Variants in NHEJ1 observed in about 807,000 individuals in gnomAD.
The protein encoded by NHEJ1 is non-homologous end-joining factor 1.
In NHEJ1, 22 loss-of-function variants were observed where a neutral mutation model predicts 39.4. That is an observed-to-expected ratio of 0.56 (90% confidence interval 0.40 to 0.80). The LOEUF (loss-of-function observed/expected upper bound fraction) is 0.80, where lower values mean the gene tolerates loss of function less well. Ranked by LOEUF, NHEJ1 falls within the 30% of genes least tolerant of loss-of-function variation. The probability of loss-of-function intolerance (pLI) is 0.00; values close to 1 mark genes in which losing one functional copy is unlikely to be tolerated. For missense variants in NHEJ1, 329 were observed against 357.1 expected (o/e 0.92, Z 0.63); for synonymous variants, 154 against 135.6 (o/e 1.14, Z -0.94).
intron 7 of NHEJ1, among the ~76,000 whole-genome samples, 196 bp downstream of exon 7, chr2:219,077,050 C>G (rs1477406492): frequency 6.6e-6 from 1 of 152,198 alleles, no homozygotes; most frequent in Non-Finnish European, 1.5e-5. Context: ...ACAAGACCTA[C>G]AGAGAAGGGA....
At chr2:219,093,518 G>A (rs1949180103) in intron 5 of NHEJ1, among the ~76,000 whole-genome samples, 1 of 152,192 alleles carries the variant, frequency 6.6e-6, no homozygotes, top group Non-Finnish European at 1.5e-5. Flanking sequence ...CCTGAACACA[G>A]AATGGTCAGT....
rs751556179 is a variant in NHEJ1, at chr2:219,157,483, T to C, written c.379A>G (p.Ser127Gly). ...CGAATTACACTTACCAGGGAAGGAC[T>C]AGCTAGCATGCAGTGGAAATTCCAA... ...FYWNFHCMLA[S>G]PSLVSQHLIR... is the part of the protein sequence containing the mutation. Residue 127 changes from serine (S) to glycine (G), a missense_variant, in exon 3 of 8, where the codon AGT becomes GGT. Coordinates refer to ENST00000356853, the MANE Select transcript of NHEJ1 (RefSeq NM_024782.3). The C allele has an allele frequency of 1.2e-6, 2 of 1,613,576 alleles. No individual in the cohort carries two copies. The highest frequency in any genetic ancestry group is 1.7e-5 in the Admixed American group (1 of 60,008).
At position 219,150,541 on chromosome 2, in the gene NHEJ1, C is replaced by T. The variant is rs191733775; in HGVS notation, c.391-2746G>A. ...TTTTGTTAAATTTGGTCCTGCTGGG[C>T]GGGCATGGTGGCTCACGCCTATAAT... is the stretch of plus-strand genomic sequence containing the variant. On this transcript the variant is annotated intron_variant, in intron 3 of 7. Coordinates refer to ENST00000356853, the MANE Select transcript of NHEJ1 (RefSeq NM_024782.3). 7.2e-5 allele frequency among the ~76,000 whole-genome samples: 11 copies of T among 152,334 alleles called. No individual in the cohort carries two copies. The South Asian group carries it at 1.2e-3, about 17-fold the overall frequency.
At chr2:219,076,838 C>T (rs866120930) in intron 7 of NHEJ1, among the ~76,000 whole-genome samples, 10 of 152,178 alleles carry the variant, frequency 6.6e-5, no homozygotes, top group Admixed American at 2.6e-4. Flanking sequence ...CCATGCCCAG[C>T]TACAAAGAGG....
At chr2:219,097,352 C>A (rs1011155411) in intron 5 of NHEJ1, among the ~76,000 whole-genome samples, 6 of 152,256 alleles carry the variant, frequency 3.9e-5, no homozygotes, top group African/African-American at 1.4e-4. Flanking sequence ...GGTATTAGAG[C>A]AGAGGCAGAT....
intron 5 of NHEJ1, among the ~76,000 whole-genome samples, chr2:219,080,763 T>C (rs1949059608): frequency 6.6e-6 from 1 of 151,510 alleles, no homozygotes; most frequent in African/African-American, 2.4e-5. Context: ...TAAACCATTT[T>C]TGTGTTTTCT....
rs1046437800 is a variant in NHEJ1 at position 219,071,158 on chromosome 2, G to A, written c.*5223C>T. On this transcript the variant is annotated 3_prime_UTR_variant, in exon 8 of 8. Transcript: ENST00000356853. Reference sequence around the variant, plus strand: ...CACACCCTGTGGGGCTTCCCTACCAGCTCCAACCCCTTTCACCATCCCCTG... The same window carrying A: ...CACACCCTGTGGGGCTTCCCTACCAACTCCAACCCCTTTCACCATCCCCTG... Among the ~76,000 whole-genome samples, 3 of 152,116 alleles carry A rather than the reference G, an allele frequency of 2.0e-5. No homozygotes were observed. Among genetic ancestry groups the A allele is most frequent in the African/African-American group, 4.8e-5 (2 of 41,418 alleles).
At chr2:219,132,291 G>A (rs932635087) in intron 5 of NHEJ1, among the ~76,000 whole-genome samples, 5 of 152,152 alleles carry the variant, frequency 3.3e-5, no homozygotes, top group African/African-American at 1.2e-4. Context: ...CAGTATGAGA[G>A]GTTACCCCAA....
At chr2:219,086,296 A>G (rs1366538060) in intron 5 of NHEJ1, among the ~76,000 whole-genome samples, 1 of 152,222 alleles carries the variant, frequency 6.6e-6, no homozygotes, top group Non-Finnish European at 1.5e-5. Flanking sequence ...AAGTAACTTG[A>G]CTAAGGTCAC....
intron 5 of NHEJ1, among the ~76,000 whole-genome samples, chr2:219,141,480 C>T (rs1184988777): frequency 2.0e-5 from 3 of 151,572 alleles, no homozygotes; most frequent in African/African-American, 4.9e-5. Flanking sequence ...ATTCAAAAGA[C>T]GGTCAATAAA....
chr2:219,130,896 C>T lies in NHEJ1; in HGVS notation c.588+15784G>A, dbSNP rs564027103. ...TTGAGGCCAGGAGTTCAAGACCAGC[C>T]TGGGAAAAACAGTGAGACCCAGGAT... is the stretch of plus-strand genomic sequence containing the variant. On this transcript the variant is annotated intron_variant, in intron 5 of 7. Transcript: ENST00000356853. Among the ~76,000 whole-genome samples, 7 of 152,028 alleles carry T rather than the reference C, an allele frequency of 4.6e-5. No homozygotes were observed. The South Asian group carries it at 1.5e-3, about 32-fold the overall frequency.
Position 219,070,008 on chromosome 2 carries a change from T to C in NHEJ1, c.*6373A>G, listed in dbSNP as rs1948942020. On this transcript the variant is annotated 3_prime_UTR_variant, in exon 8 of 8. Coordinates refer to ENST00000356853, the MANE Select transcript of NHEJ1 (RefSeq NM_024782.3). ...AACAAGAAACAGGAATCATTAAACA[T>C]GCATTAACTCAAATTATATACTTAT... 2.0e-5 allele frequency among the ~76,000 whole-genome samples: 3 copies of C among 152,208 alleles called. No individual in the cohort carries two copies. The highest frequency in any genetic ancestry group is 2.0e-4 in the Admixed American group (3 of 15,276).
chr2:219,071,149 T>A lies in NHEJ1; in HGVS notation c.*5232A>T, dbSNP rs1412777661. Among the ~76,000 whole-genome samples the A allele has an allele frequency of 6.6e-6, 1 of 152,152 alleles. No homozygotes were observed. The highest frequency in any genetic ancestry group is 1.5e-5 in the Non-Finnish European group (1 of 68,018). ...GTGGAGACCCACACCCTGTGGGGCTTCCCTACCAGCTCCAACCCCTTTCAC... is the reference window on the plus strand; with the variant it reads ...GTGGAGACCCACACCCTGTGGGGCTACCCTACCAGCTCCAACCCCTTTCAC... On this transcript the variant is annotated 3_prime_UTR_variant, in exon 8 of 8. Transcript: ENST00000356853.
intron 3 of NHEJ1, among the ~76,000 whole-genome samples, chr2:219,149,574 C>A (rs1221405602): frequency 6.6e-6 from 1 of 152,126 alleles, no homozygotes; most frequent in Non-Finnish European, 1.5e-5. Context: ...CAAGATCATG[C>A]CATTACACTC....
chr2:219,083,471 G>GGA (rs1553542556), intron 5 of NHEJ1, among the ~76,000 whole-genome samples: 3 of 147,464 alleles, frequency 2.0e-5, no homozygotes, highest in Admixed American at 6.7e-5. Context: ...AAAATTACTA[G>GGA]AAAAAAAAAA....
chr2:219,155,496 G>A (rs902990473), intron 3 of NHEJ1, among the ~76,000 whole-genome samples: 1 of 151,774 alleles, frequency 6.6e-6, no homozygotes, highest in Non-Finnish European at 1.5e-5. Flanking sequence ...AGATGGAAAA[G>A]TTCACAAGAA....
At chr2:219,113,936 C>T (rs1949388007) in intron 5 of NHEJ1, among the ~76,000 whole-genome samples, 1 of 152,232 alleles carries the variant, frequency 6.6e-6, no homozygotes, top group Admixed American at 6.5e-5. Flanking sequence ...CTCAGTCTAT[C>T]ACGCTTCAGG....
chr2:219,112,529 T>C (rs148494806), intron 5 of NHEJ1, among the ~76,000 whole-genome samples: 187 of 152,242 alleles, frequency 1.2e-3, no homozygotes, highest in African/African-American at 3.8e-3. Context: ...TGACCTTGCC[T>C]TGAACTTGTA....
At chr2:219,139,824 C>T (rs945482513) in intron 5 of NHEJ1, among the ~76,000 whole-genome samples, 1 of 152,142 alleles carries the variant, frequency 6.6e-6, no homozygotes, top group African/African-American at 2.4e-5. Context: ...GGACTACAGG[C>T]GCCTGCCACC....
Sources: allele counts gnomAD v4.1 joint callset (sites outside exome capture counted in the v4.1 genomes callset), GRCh38; gene constraint gnomAD v4.1.1; transcripts MANE v1.5; gene names NCBI Gene and HGNC (gene_info 2026-07-23, HGNC 2026-07-21).